DNAH3: variants seen among roughly 807,000 people sequenced by gnomAD.
DNAH3 encodes the protein dynein axonemal heavy chain 3.
DNAH3 carries 332 observed loss-of-function variants against 432.5 expected under a neutral mutation model. The ratio of observed to expected loss-of-function variants is 0.77; its 90% CI spans 0.70 to 0.84. The LOEUF is 0.84. Ranked by LOEUF, DNAH3 falls within the 40% of genes least tolerant of loss-of-function variation. DNAH3 has a pLI of 0.00. For synonymous variants in DNAH3, 1,956 were observed against 1,900.2 expected (o/e 1.03, Z -0.76); for missense variants, 4,861 against 5,114.0 (o/e 0.95, Z 1.51).
At chr16:20,978,615 C>T (rs1038168931) in intron 50 of DNAH3, among the ~76,000 whole-genome samples, 1 of 152,152 alleles carries the variant, frequency 6.6e-6, no homozygotes, top group African/African-American at 2.4e-5. Context: ...CTCACTGCAG[C>T]CTCAAACTCC....
intron 26 of DNAH3, 58 bp downstream of exon 26, chr16:21,060,206 C>T (rs965150308): frequency 2.2e-5 from 31 of 1,395,944 alleles, no homozygotes; most frequent in Non-Finnish European, 2.8e-5. Flanking sequence ...GAACCTTCTC[C>T]CCAATGTTCT....
intron 59 of DNAH3, among the ~76,000 whole-genome samples, chr16:20,937,510 T>G (rs1392615161): frequency 6.6e-6 from 1 of 151,302 alleles, no homozygotes; most frequent in Non-Finnish European, 1.5e-5. Context: ...GGCTTTCAAT[T>G]CATATTGTCA....
chr16:20,991,718 C>T (rs1328059051), intron 44 of DNAH3, among the ~76,000 whole-genome samples: 2 of 152,170 alleles, frequency 1.3e-5, no homozygotes, highest in African/African-American at 2.4e-5. Flanking sequence ...CAGTTTATCA[C>T]GTTCCTCTGT....
chr16:21,139,715 C>T (rs1486488310), intron 5 of DNAH3, among the ~76,000 whole-genome samples: 1 of 151,100 alleles, frequency 6.6e-6, no homozygotes, highest in African/African-American at 2.4e-5. Flanking sequence ...TGATCCTCCC[C>T]ATTCCTCCTC....
intron 21 of DNAH3, among the ~76,000 whole-genome samples, chr16:21,072,756 C>T (rs986282385): frequency 4.6e-5 from 7 of 151,980 alleles, no homozygotes; most frequent in African/African-American, 1.7e-4. Context: ...AGCAATCTCC[C>T]TGCCTCAGCT....
chr16:20,949,330 A>AAAAT lies in DNAH3; in HGVS notation c.11189-697_11189-694dup, dbSNP rs557769793. 7.8e-3 allele frequency among the ~76,000 whole-genome samples: 1,172 copies of AAAAT among 151,060 alleles called. 13 individuals are homozygous for AAAAT. Among genetic ancestry groups the AAAAT allele is most frequent in the African/African-American group, 0.027 (1,130 of 41,136 alleles). On this transcript the variant is annotated intron_variant, in intron 56 of 61. Coordinates refer to ENST00000261383, the Ensembl canonical transcript of DNAH3. ...CAACAAGAGCGAAACTTCGTCTCAA[A>AAAAT]AAATAAATAAATAAATAAATATAAA...
At chr16:20,992,431 C>T (rs148263267) in intron 44 of DNAH3, among the ~76,000 whole-genome samples, 1,926 of 151,762 alleles carry the variant, frequency 0.013, 33 homozygotes, top group African/African-American at 0.044. Context: ...CTGCAAGCTC[C>T]GCCTCCCGGG....
rs181305777 is a variant in DNAH3 at position 21,014,114 on chromosome 16, C to T, written c.6022+5510G>A. ...GCCAGCATTACGCTAATACCAAAGC[C>T]AGATAAAGACATTATAAGAGAGGAA... On this transcript the variant is annotated intron_variant, in intron 41 of 61. Coordinates refer to ENST00000261383, the Ensembl canonical transcript of DNAH3. 2.0e-5 allele frequency among the ~76,000 whole-genome samples: 3 copies of T among 152,240 alleles called. No homozygotes were observed. In the East Asian group the frequency reaches 5.8e-4, roughly 29 times the overall value.
chr16:21,097,329 C>G, intron 18 of DNAH3, 26 bp downstream of exon 18: 1 of 1,612,702 alleles, frequency 6.2e-7, no homozygotes, highest in Non-Finnish European at 8.5e-7. Flanking sequence ...CCCCATCTGT[C>G]CCAGCAGAGT....
At chr16:21,142,654 CTTTTT>C (rs11336320) in intron 3 of DNAH3, among the ~76,000 whole-genome samples, 1 of 136,358 alleles carries the variant, frequency 7.3e-6, no homozygotes, top group Non-Finnish European at 1.6e-5. Flanking sequence ...TACAAAAATC[CTTTTT>C]TTTTTTTTTT....
chr16:20,955,129 A>C, intron 54 of DNAH3, 72 bp from the exon 55 acceptor site: 3 of 1,444,360 alleles, frequency 2.1e-6, no homozygotes, highest in Non-Finnish European at 2.8e-6. Flanking sequence ...ACAAAAACAA[A>C]ACAATAACAA....
chr16:21,111,788 T>C, exon 14 of DNAH3: 1 of 1,613,572 alleles, frequency 6.2e-7, no homozygotes. Flanking sequence ...TCTCCGTTTC[T>C]TTATGGCATT....
intron 36 of DNAH3, among the ~76,000 whole-genome samples, 180 bp from the exon 37 acceptor site, chr16:21,031,466 G>A (rs1300206118): frequency 1.3e-5 from 2 of 152,164 alleles, no homozygotes; most frequent in South Asian, 4.1e-4. Flanking sequence ...AGGAGCTGTA[G>A]TAGCTCACAC....
intron 4 of DNAH3, 122 bp from the exon 6 acceptor site, chr16:21,140,832 C>T: frequency 1.3e-6 from 1 of 766,132 alleles, no homozygotes; most frequent in South Asian, 1.9e-5. Context: ...TCCTCTGTGT[C>T]ATCTAATGGC....
chr16:21,154,129 C>T (rs978437343), intron 1 of DNAH3, among the ~76,000 whole-genome samples: 7 of 152,220 alleles, frequency 4.6e-5, no homozygotes, highest in Admixed American at 1.3e-4. Context: ...TGGGGCCAGG[C>T]GCGGTGGCCC....
At chr16:20,936,993 C>T (rs2083615609) in intron 59 of DNAH3, 140 bp from the exon 60 acceptor site, 2 of 673,258 alleles carry the variant, frequency 3.0e-6, no homozygotes, top group Non-Finnish European at 5.0e-6. Context: ...CACCCGTTAC[C>T]TTGCTACCTA....
At chr16:21,073,062 T>C (rs2090851153) in intron 21 of DNAH3, among the ~76,000 whole-genome samples, 1 of 152,102 alleles carries the variant, frequency 6.6e-6, no homozygotes, top group Non-Finnish European at 1.5e-5. Context: ...CTTTTTCTCC[T>C]GGGCCATTGT....
At chr16:21,141,364 T>C in exon 4 of DNAH3, 1 of 1,585,980 alleles carries the variant, frequency 6.3e-7, no homozygotes, top group Non-Finnish European at 8.6e-7. Context: ...TCTGATGAGC[T>C]TCTATTTCCT....
At chr16:21,084,959 A>G (rs997465593) in intron 19 of DNAH3, among the ~76,000 whole-genome samples, 23 of 151,130 alleles carry the variant, frequency 1.5e-4, no homozygotes, top group African/African-American at 5.3e-4. Flanking sequence ...TAAGCTCCCT[A>G]ACCCCCCCAT....
Sources: allele counts gnomAD v4.1 joint callset (sites outside exome capture counted in the v4.1 genomes callset), GRCh38; gene constraint gnomAD v4.1.1; transcripts MANE v1.5; gene names NCBI Gene and HGNC (gene_info 2026-07-23, HGNC 2026-07-21).